CAPZB: variants seen among roughly 807,000 people sequenced by gnomAD.
The protein encoded by CAPZB is F-actin-capping protein subunit beta.
CAPZB carries 2 observed loss-of-function variants against 38.1 expected under a neutral mutation model. That is an observed-to-expected ratio of 0.05 (90% CI 0.02 to 0.17). CAPZB has a LOEUF of 0.17. Among genes scored for constraint, CAPZB ranks in the 10% least tolerant of loss-of-function variants. The pLI is 1.00. For missense variants in CAPZB, 161 were observed against 334.2 expected, an observed-to-expected ratio of 0.48 and a Z score of 4.04; for synonymous variants, 107 against 127.4, an observed-to-expected ratio of 0.84 and a Z score of 1.08.
intron 1 of CAPZB, among the ~76,000 whole-genome samples, chr1:19,434,149 A>AT (rs1464969363): frequency 6.6e-6 from 1 of 152,102 alleles, no homozygotes. Flanking sequence ...TTGGGCTTCG[A>AT]TTTTCCAGAC....
At chr1:19,484,348 T>G in intron 1 of CAPZB, 1 of 1,563,088 alleles carries the variant, frequency 6.4e-7, no homozygotes, top group Non-Finnish European at 8.7e-7. Flanking sequence ...CAAGGGCGAT[T>G]GTGCGTTCAT....
intron 1 of CAPZB, among the ~76,000 whole-genome samples, chr1:19,433,660 T>C (rs540353362): frequency 6.6e-6 from 1 of 152,324 alleles, no homozygotes; most frequent in East Asian, 1.9e-4. Context: ...CCAAATATTT[T>C]ATCTAGAAGG....
intron 1 of CAPZB, among the ~76,000 whole-genome samples, chr1:19,472,271 C>T (rs1319306151): frequency 2.0e-5 from 3 of 152,178 alleles, no homozygotes; most frequent in East Asian, 1.9e-4. Flanking sequence ...CTACTCATCT[C>T]GAAGGCAGAT....
At chr1:19,436,247 G>C (rs1035038015) in intron 1 of CAPZB, among the ~76,000 whole-genome samples, 6 of 152,122 alleles carry the variant, frequency 3.9e-5, no homozygotes, top group Non-Finnish European at 8.8e-5. Flanking sequence ...ATCCTGCCTG[G>C]GACATGAATC....
chr1:19,485,389 G>T, intron 1 of CAPZB, 47 bp downstream of exon 1: 2 of 1,207,492 alleles, frequency 1.7e-6, no homozygotes, highest in Non-Finnish European at 2.1e-6. Flanking sequence ...GGGGACGCGA[G>T]CTCCGGAGGG....
At chr1:19,453,789 T>G (rs2100708692) in intron 1 of CAPZB, among the ~76,000 whole-genome samples, 1 of 152,370 alleles carries the variant, frequency 6.6e-6, no homozygotes, top group South Asian at 2.1e-4. Context: ...GAATATTTGC[T>G]GAATCCACCC....
chr1:19,388,361 A>G (rs2094214591), intron 2 of CAPZB, among the ~76,000 whole-genome samples: 1 of 152,232 alleles, frequency 6.6e-6, no homozygotes, highest in Non-Finnish European at 1.5e-5. Flanking sequence ...ACACACAGCA[A>G]ATGCTTAATA....
At chr1:19,385,737 T>C in intron 2 of CAPZB, 111 bp from the exon 3 acceptor site, 1 of 1,314,026 alleles carries the variant, frequency 7.6e-7, no homozygotes, top group African/African-American at 1.4e-5. Context: ...CATCTGGCCC[T>C]GGGCACTGAG....
chr1:19,479,749 G>A (rs781135719), intron 1 of CAPZB, among the ~76,000 whole-genome samples: 11 of 152,032 alleles, frequency 7.2e-5, no homozygotes, highest in Non-Finnish European at 1.2e-4. Context: ...AAATACCACC[G>A]CTCTGCCAGC....
chr1:19,442,938 C>T (rs1372167057), intron 1 of CAPZB, among the ~76,000 whole-genome samples: 1 of 152,102 alleles, frequency 6.6e-6, no homozygotes, highest in African/African-American at 2.4e-5. Context: ...TGAAGGAGGC[C>T]TTCGCTACTT....
chr1:19,391,450 G>A (rs1030257322), intron 2 of CAPZB, among the ~76,000 whole-genome samples: 2 of 147,722 alleles, frequency 1.4e-5, no homozygotes, highest in Non-Finnish European at 3.0e-5. Context: ...AACAGATTCT[G>A]CGTACTTGGG....
intron 2 of CAPZB, among the ~76,000 whole-genome samples, chr1:19,392,805 T>C (rs1481122077): frequency 6.6e-6 from 1 of 152,116 alleles, no homozygotes; most frequent in Non-Finnish European, 1.5e-5. Context: ...AAAAAAGTGT[T>C]TACTTATGTA....
At chr1:19,459,557 G>C (rs1469765993) in intron 1 of CAPZB, among the ~76,000 whole-genome samples, 2 of 152,110 alleles carry the variant, frequency 1.3e-5, no homozygotes, top group Non-Finnish European at 2.9e-5. Context: ...CAAAAAACGG[G>C]ATAGGGGCTG....
At position 19,338,944 on chromosome 1, in the gene CAPZB, G is replaced by A. The variant is rs924662417; in HGVS notation, c.*586C>T. Reference sequence around the variant, plus strand: ...TTGACAGAAAAGCACCTGGCCGGAAGAGCGGAACGGTCGGCGGCACCCCCC... The same window carrying A: ...TTGACAGAAAAGCACCTGGCCGGAAAAGCGGAACGGTCGGCGGCACCCCCC... On this transcript the variant is annotated 3_prime_UTR_variant, in exon 9 of 9. Transcript: ENST00000264202. 1 of 152,590 alleles carries A rather than the reference G, an allele frequency of 6.6e-6. No individual in the cohort carries two copies. The highest frequency in any genetic ancestry group is 2.1e-4 in the South Asian group (1 of 4,850). 9.5% of individuals were successfully genotyped at this position (152,590 alleles called of 1,614,324 possible).
chr1:19,403,113 G>A (rs1166897304), intron 2 of CAPZB, among the ~76,000 whole-genome samples: 5 of 152,106 alleles, frequency 3.3e-5, no homozygotes, highest in African/African-American at 1.2e-4. Flanking sequence ...GGCTCCCACC[G>A]TGGCTATGAG....
At chr1:19,358,292 T>G (rs1256416518) in intron 4 of CAPZB, among the ~76,000 whole-genome samples, 1 of 152,194 alleles carries the variant, frequency 6.6e-6, no homozygotes. Context: ...TGTGCACCAC[T>G]GCACTTGGCT....
intron 1 of CAPZB, 74 bp from the exon 2 acceptor site, chr1:19,419,824 T>G (rs2094394487): frequency 1.1e-6 from 1 of 920,772 alleles, no homozygotes; most frequent in East Asian, 2.6e-5. Flanking sequence ...TTAAAAAGCA[T>G]GCTTGCCCAA....
intron 4 of CAPZB, among the ~76,000 whole-genome samples, chr1:19,365,350 CT>C (rs1388796299): frequency 6.6e-6 from 1 of 152,206 alleles, no homozygotes; most frequent in Admixed American, 6.5e-5. Flanking sequence ...CCCCCGAAGT[CT>C]TTATGCACAG....
intron 1 of CAPZB, among the ~76,000 whole-genome samples, chr1:19,469,422 T>A (rs1247866497): frequency 6.6e-6 from 1 of 151,964 alleles, no homozygotes; most frequent in African/African-American, 2.4e-5. Context: ...AAAGAAAAAA[T>A]TAATAAATAA....
Sources: allele counts gnomAD v4.1 joint callset (sites outside exome capture counted in the v4.1 genomes callset), GRCh38; gene constraint gnomAD v4.1.1; transcripts MANE v1.5; gene names NCBI Gene and HGNC (gene_info 2026-07-23, HGNC 2026-07-21).